Variants in CNN3 observed in about 807,000 individuals in gnomAD.
CNN3 encodes calponin-3.
In CNN3, 11 loss-of-function variants were observed where a neutral mutation model predicts 39.0. The observed-to-expected ratio is 0.28, with a 90% CI of 0.18 to 0.47. The LOEUF is 0.47. CNN3 is among the 20% of genes least tolerant of loss of function. The pLI, the probability that CNN3 is intolerant of heterozygous loss-of-function variation, is 0.99. For synonymous variants in CNN3, 101 were observed against 138.3 expected, an observed-to-expected ratio of 0.73 and a Z score of 1.89; for missense variants, 266 against 403.4, an observed-to-expected ratio of 0.66 and a Z score of 2.92.
chr1:94,926,797 GGTGCCCCGGGGGCCCCC>G lies in CNN3; in HGVS notation c.57+24_57+40del. The G allele has an allele frequency of 6.3e-7, 1 of 1,596,136 alleles. No individual in the cohort carries two copies. The highest frequency in any genetic ancestry group is 8.5e-7 in the Non-Finnish European group (1 of 1,170,574). ...CGGCCCAGCGCCAGGCCAGCCCAAG[GGTGCCCCGGGGGCCCCC>G]GCGCCCGCCCGAGCCAGGCGTACCT... On this transcript the variant is annotated intron_variant, in intron 1 of 6. Coordinates refer to ENST00000370206, the MANE Select transcript of CNN3 (RefSeq NM_001839.5). The surrounding 1 kb of genome is among the most constrained non-coding windows in gnomAD (Gnocchi z 4.2).
intron 1 of CNN3, among the ~76,000 whole-genome samples, chr1:94,915,618 A>G (rs1195723699): frequency 6.6e-6 from 1 of 152,198 alleles, no homozygotes; most frequent in Non-Finnish European, 1.5e-5. Context: ...GAGATAATAC[A>G]GTAAAGGCTT....
Position 94,923,707 on chromosome 1 carries a change from C to T in CNN3, c.57+3131G>A, listed in dbSNP as rs190463611. Among the ~76,000 whole-genome samples the T allele has an allele frequency of 5.9e-5, 9 of 152,092 alleles. No homozygotes were observed. The East Asian group carries it at 1.7e-3, about 29-fold the overall frequency. On this transcript the variant is annotated intron_variant, in intron 1 of 6. Coordinates refer to ENST00000370206, the MANE Select transcript of CNN3 (RefSeq NM_001839.5). ...CAGCTAGAATATTATATAACAAGACCAAAAGGTATTAATACAAACCAAATA... is the reference window on the plus strand; with the variant it reads ...CAGCTAGAATATTATATAACAAGACTAAAAGGTATTAATACAAACCAAATA...
intron 1 of CNN3, among the ~76,000 whole-genome samples, chr1:94,914,892 C>CA (rs949078850): frequency 6.7e-6 from 1 of 148,874 alleles, no homozygotes; most frequent in Non-Finnish European, 1.5e-5. Flanking sequence ...CATTTTCTCT[C>CA]TTTTTTTTTT....
intron 1 of CNN3, among the ~76,000 whole-genome samples, chr1:94,904,638 T>C (rs1670950050): frequency 6.6e-6 from 1 of 152,004 alleles, no homozygotes; most frequent in Non-Finnish European, 1.5e-5. Context: ...TCCCAGTGAC[T>C]TGGAAGGCTG....
At chr1:94,918,622 G>A (rs543494311) in intron 1 of CNN3, among the ~76,000 whole-genome samples, 7 of 151,806 alleles carry the variant, frequency 4.6e-5, no homozygotes, top group South Asian at 2.1e-4. Context: ...GGCTGGGTGC[G>A]GTGGCTCACA....
At chr1:94,910,611 C>T (rs1671134678) in intron 1 of CNN3, among the ~76,000 whole-genome samples, 1 of 152,196 alleles carries the variant, frequency 6.6e-6, no homozygotes, top group African/African-American at 2.4e-5. Context: ...CTGAAGATCA[C>T]ACGCTTTCAA....
intron 1 of CNN3, among the ~76,000 whole-genome samples, chr1:94,911,060 A>G (rs933968923): frequency 1.3e-5 from 2 of 152,234 alleles, no homozygotes; most frequent in African/African-American, 2.4e-5. Context: ...TTGCTGACAA[A>G]AAGGACAAAG....
intron 1 of CNN3, among the ~76,000 whole-genome samples, chr1:94,913,437 G>A (rs1314018521): frequency 6.6e-6 from 1 of 152,192 alleles, no homozygotes; most frequent in Non-Finnish European, 1.5e-5. Context: ...ACCTGGCCAA[G>A]TGATTCTGTT....
intron 5 of CNN3, 131 bp from the exon 6 acceptor site, chr1:94,899,648 C>G: frequency 1.1e-6 from 1 of 872,202 alleles, no homozygotes; most frequent in Non-Finnish European, 1.7e-6. Flanking sequence ...AGGCTCCAGT[C>G]AACTCTTCTA....
intron 6 of CNN3, among the ~76,000 whole-genome samples, chr1:94,898,634 C>T (rs1204347977): frequency 6.6e-6 from 1 of 152,194 alleles, no homozygotes; most frequent in Non-Finnish European, 1.5e-5. Flanking sequence ...TTTCAGAGTA[C>T]AGTAACTCAT....
intron 1 of CNN3, among the ~76,000 whole-genome samples, chr1:94,905,235 G>A (rs934056443): frequency 6.6e-6 from 1 of 152,098 alleles, no homozygotes; most frequent in Non-Finnish European, 1.5e-5. Context: ...GATTCAAAGC[G>A]TACACTTGAT....
At chr1:94,905,440 C>A (rs148547345) in intron 1 of CNN3, among the ~76,000 whole-genome samples, 31 of 152,132 alleles carry the variant, frequency 2.0e-4, no homozygotes, top group African/African-American at 5.3e-4. Flanking sequence ...GTTTTCAGGG[C>A]CTCTTTTCCC....
chr1:94,897,982 G>A lies in CNN3; in HGVS notation c.750C>T (p.Asn250=), dbSNP rs1670766768. 6.2e-7 allele frequency: 1 copy of A among 1,613,958 alleles called. No individual in the cohort carries two copies. Among genetic ancestry groups the A allele is most frequent in the Non-Finnish European group, 8.5e-7 (1 of 1,180,002 alleles). Residue 250 remains asparagine, a synonymous_variant, in exon 7 of 7, where the codon AAC becomes AAT. Coordinates refer to ENST00000370206, the MANE Select transcript of CNN3 (RefSeq NM_001839.5). ...NSTISLQMGT[N]KVASQKGMSV... is the part of the protein sequence containing the mutation. ...TCATTCCTTTCTGGGAAGCAACTTTGTTGGTACCCATCTGTAGGGAAATTG... is the reference window on the plus strand; with the variant it reads ...TCATTCCTTTCTGGGAAGCAACTTTATTGGTACCCATCTGTAGGGAAATTG...
chr1:94,903,967 G>A (rs984104840), intron 1 of CNN3, among the ~76,000 whole-genome samples: 2 of 152,162 alleles, frequency 1.3e-5, no homozygotes, highest in African/African-American at 4.8e-5. Context: ...CATTCCAATA[G>A]TTTTGTTGAC....
rs757257884 is a variant in CNN3 at position 94,926,843 on chromosome 1, TCTTGA to T, written c.47_51del (p.Val16GlufsTer8). Reference sequence around the variant, plus strand: ...CCCGCCCGAGCCAGGCGTACCTTGTTCTTGACTTCGGCCGAGAGCCCATAGGAAGG... The same window carrying T: ...CCCGCCCGAGCCAGGCGTACCTTGTTCTTCGGCCGAGAGCCCATAGGAAGG... On this transcript the variant is annotated frameshift_variant, in exon 1 of 7. Coordinates refer to ENST00000370206, the MANE Select transcript of CNN3 (RefSeq NM_001839.5). LOFTEE classifies it high-confidence loss of function. This position sits in a 1 kb window ranked among gnomAD's most constrained non-coding sequence, Gnocchi z 4.2. 1 of 1,610,704 alleles carries T rather than the reference TCTTGA, an allele frequency of 6.2e-7. No individual in the cohort carries two copies. The highest frequency in any genetic ancestry group is 8.5e-7 in the Non-Finnish European group (1 of 1,178,422).
chr1:94,920,991 C>CCAAT (rs1671427000), intron 1 of CNN3, among the ~76,000 whole-genome samples: 2 of 152,104 alleles, frequency 1.3e-5, no homozygotes, highest in African/African-American at 4.8e-5. Context: ...TTAAGGAGAG[C>CCAAT]CAATGCACAT....
chr1:94,900,751 A>C (rs1265361691), intron 5 of CNN3, among the ~76,000 whole-genome samples: 1 of 152,198 alleles, frequency 6.6e-6, no homozygotes, highest in Non-Finnish European at 1.5e-5. Context: ...TGACCAGTGA[A>C]GAGAACAATG....
chr1:94,920,462 A>G (rs1383677340), intron 1 of CNN3, among the ~76,000 whole-genome samples: 1 of 152,250 alleles, frequency 6.6e-6, no homozygotes, highest in Non-Finnish European at 1.5e-5. Flanking sequence ...GAGCCTAATT[A>G]GCAGAGAACC....
chr1:94,899,513 C>A lies in CNN3; in HGVS notation c.506G>T (p.Gly169Val), dbSNP rs1382807166. The A allele has an allele frequency of 6.2e-7, 1 of 1,610,150 alleles. No homozygotes were observed. Among genetic ancestry groups the A allele is most frequent in the South Asian group, 1.1e-5 (1 of 90,122 alleles). ...AGQSVIGLQM[G>V]TNKCASQAGM... The stretch of plus-strand genomic sequence containing the variant: ...TGCCTGGCTGGCACATTTGTTGGTT[C>A]CCATCTTTTAAGTTAAAAATAAAAT... Residue 169 changes from glycine (G) to valine (V), a missense_variant, in exon 6 of 7, where the codon GGA becomes GTA. Gly to Val is a moderately radical substitution (Grantham distance 109). Coordinates refer to ENST00000370206, the MANE Select transcript of CNN3 (RefSeq NM_001839.5).
Sources: gnomAD v4.1 joint callset for allele counts (sites outside exome capture counted in the v4.1 genomes callset) on GRCh38, gnomAD v4.1.1 for gene constraint, Gnocchi (gnomAD v3.1) non-coding constraint, MANE v1.5 for transcripts, NCBI Gene and HGNC (gene_info 2026-07-23, HGNC 2026-07-21) for gene names.